PRR36: variants seen among roughly 807,000 people sequenced by gnomAD.
PRR36 encodes the protein proline rich 36.
PRR36 carries 30 observed loss-of-function variants against 58.6 expected under a neutral mutation model. That is an observed-to-expected ratio of 0.51 (90% confidence interval 0.38 to 0.69). The LOEUF (loss-of-function observed/expected upper bound fraction) is 0.69, where lower values mean the gene tolerates loss of function less well. Among genes scored for constraint, PRR36 ranks in the 30% least tolerant of loss-of-function variants. The pLI is 0.00. For synonymous variants in PRR36, 771 were observed against 829.3 expected, an observed-to-expected ratio of 0.93 and a Z score of 1.21; for missense variants, 1,692 against 1,805.6, an observed-to-expected ratio of 0.94 and a Z score of 1.14.
Position 7,869,320 on chromosome 19 carries a change from GCGC to G in PRR36, c.3751_3753del (p.Ala1251del). The G allele has an allele frequency of 7.0e-7, 1 of 1,429,836 alleles. No homozygotes were observed. The highest frequency in any genetic ancestry group is 9.1e-7 in the Non-Finnish European group (1 of 1,100,542). The allele number at this position is 1,429,836 out of a possible 1,614,324, so 88.6% of individuals were successfully genotyped here. A position where few individuals can be genotyped will look rare whatever the true frequency, so the allele number is the denominator to read the frequency against. ...AGGTGCTGCACGACGCTCGCCTGCA[GCGC>G]CCCCAGTGGCAGCTCGCCCAGGCGC... On this transcript the variant is annotated inframe_deletion, in exon 6 of 6. Transcript: ENST00000618550.
rs1980315324 is a variant in PRR36 at position 7,870,099 on chromosome 19, G to A, written c.3145C>T (p.Pro1049Ser). ...AGAACAGGTGGGGCCTGTGGAGGAG[G>A]CGTGGCCAAAGGAGACATTGGGAGT... ...ASLPMSPLAT[P>S]PPQAPPVLAA... is the part of the protein sequence containing the mutation. The change falls in exon 5 of 6, where the codon CCT becomes TCT. Residue 1049 changes from proline (P) to serine (S), a missense_variant. Physicochemically the swap from Pro to Ser is moderately conservative, Grantham distance 74. Coordinates refer to ENST00000618550, the MANE Select transcript of PRR36 (RefSeq NM_001190467.2). 1 of 1,495,072 alleles carries A rather than the reference G, an allele frequency of 6.7e-7. No homozygotes were observed. The highest frequency in any genetic ancestry group is 8.9e-7 in the Non-Finnish European group (1 of 1,128,724). The allele number at this position is 1,495,072 out of a possible 1,614,324, so 92.6% of individuals were successfully genotyped here.
chr19:7,873,430 G>A lies in PRR36; in HGVS notation c.260C>T (p.Ser87Phe), dbSNP rs1165646263. 2 of 1,531,524 alleles carry A rather than the reference G, an allele frequency of 1.3e-6. No individual in the cohort carries two copies. Among genetic ancestry groups the A allele is most frequent in the Non-Finnish European group, 1.7e-6 (2 of 1,144,270 alleles). The allele number at this position is 1,531,524 out of a possible 1,614,324, so 94.9% of individuals were successfully genotyped here. A position where few individuals can be genotyped will look rare whatever the true frequency, so the allele number is the denominator to read the frequency against. Residue 87 changes from serine (S) to phenylalanine (F), a missense_variant, in exon 2 of 6, where the codon TCC (serine) becomes TTC (phenylalanine). Physicochemically the swap from Ser to Phe is radical, Grantham distance 155. Coordinates refer to ENST00000618550, the MANE Select transcript of PRR36 (RefSeq NM_001190467.2). The surrounding 1 kb of genome is among the most constrained non-coding windows in gnomAD (Gnocchi z 5.0). The stretch of plus-strand genomic sequence containing the variant: ...GGAGGCTGGGGTACCAGGGTTTCGG[G>A]AACTTGTCCCAGCACTCCGCGTTGG... ...AGPTRSAGTS[S>F]RNPASRPPAS...
Position 7,869,863 on chromosome 19 carries a change from C to T in PRR36, c.3381G>A (p.Thr1127=). 1.5e-6 allele frequency: 2 copies of T among 1,336,638 alleles called. No homozygotes were observed. The highest frequency in any genetic ancestry group is 3.9e-5 in the South Asian group (2 of 50,856). 82.8% of individuals were successfully genotyped at this position (1,336,638 alleles called of 1,614,324 possible). The change falls in exon 5 of 6, where the codon ACG becomes ACA. Residue 1127 remains threonine (T), a synonymous_variant. Coordinates refer to ENST00000618550, the MANE Select transcript of PRR36 (RefSeq NM_001190467.2). Reference sequence around the variant, plus strand: ...AGCCACGCAGCTCCTCTGGCGTGCTCGTGGCGCTGCTGCTGTGGCCGGCCA... The same window carrying T: ...AGCCACGCAGCTCCTCTGGCGTGCTTGTGGCGCTGCTGCTGTGGCCGGCCA... ...PDLAGHSSSA[T]STPEELRGYD...
Position 7,874,303 on chromosome 19 carries a change from G to C in PRR36, c.-25C>G, listed in dbSNP as rs1015723585. The stretch of plus-strand genomic sequence containing the variant: ...GCGCTCACCTCCGCCTCCGGCCTCC[G>C]GCCGCTCCTCACAGAGTCGCCTGGG... On this transcript the variant is annotated 5_prime_UTR_variant, in exon 1 of 6. Coordinates refer to ENST00000618550, the MANE Select transcript of PRR36 (RefSeq NM_001190467.2). The surrounding 1 kb of genome is among the most constrained non-coding windows in gnomAD (Gnocchi z 6.0). The C allele has an allele frequency of 3.3e-5, 5 of 151,984 alleles. No homozygotes were observed. The highest frequency in any genetic ancestry group is 7.4e-5 in the Non-Finnish European group (5 of 68,002). 9.4% of individuals were successfully genotyped at this position (151,984 alleles called of 1,614,324 possible).
chr19:7,873,113 GC>G lies in PRR36; in HGVS notation c.374+83del. The G allele has an allele frequency of 7.1e-7, 1 of 1,409,680 alleles. No individual in the cohort carries two copies. Among genetic ancestry groups the G allele is most frequent in the Non-Finnish European group, 9.7e-7 (1 of 1,034,716 alleles). 87.3% of individuals were successfully genotyped at this position (1,409,680 alleles called of 1,614,324 possible). A position where few individuals can be genotyped will look rare whatever the true frequency, so the allele number is the denominator to read the frequency against. ...CCCAGTGACCTGCAAGTGCTCCCGC[GC>G]CCCAACTCGTGTAAAATAAAAGGTT... On this transcript the variant is annotated intron_variant, in intron 3 of 5. Coordinates refer to ENST00000618550, the MANE Select transcript of PRR36 (RefSeq NM_001190467.2). The surrounding 1 kb of genome is among the most constrained non-coding windows in gnomAD (Gnocchi z 5.0).
At chr19:7,869,649 C>G in intron 5 of PRR36, 66 bp downstream of exon 5, 1 of 1,401,568 alleles carries the variant, frequency 7.1e-7, no homozygotes, top group Non-Finnish European at 9.3e-7. Context: ...GCTGTCCCGC[C>G]CCTGAGCTGC....
chr19:7,871,093 T>C lies in PRR36; in HGVS notation c.2151A>G (p.Leu717=). ...GAGGTGTCTGCAGAGAGGGTGGGGC[T>C]AGGGAAGATTGGGTCTCCAGAGGGG... ...IMPPLETQSS[L]APPSLQTPPA... Residue 717 remains leucine (L), a synonymous_variant, in exon 5 of 6, where the codon CTA becomes CTG. Transcript: ENST00000618550. The C allele has an allele frequency of 6.5e-7, 1 of 1,528,468 alleles. No homozygotes were observed. Among genetic ancestry groups the C allele is most frequent in the South Asian group, 1.2e-5 (1 of 83,440 alleles). 94.7% of individuals were successfully genotyped at this position (1,528,468 alleles called of 1,614,324 possible). A position where few individuals can be genotyped will look rare whatever the true frequency, so the allele number is the denominator to read the frequency against.
chr19:7,870,562 TGG>T lies in PRR36; in HGVS notation c.2680_2681del (p.Pro894SerfsTer111). 3.0e-6 allele frequency: 1 copy of T among 331,100 alleles called. No homozygotes were observed. Among genetic ancestry groups the T allele is most frequent in the Non-Finnish European group, 3.4e-6 (1 of 290,516 alleles). 20.5% of individuals were successfully genotyped at this position (331,100 alleles called of 1,614,324 possible). ...CAGGGGGAGAGAAAGGGGCCTGCAC[TGG>T]GGGTGAGGGAGGGGGAGAGAAAGGG... ...QAPFSPPPSP[P>X]VQAPFSPPAS... On this transcript the variant is annotated frameshift_variant, in exon 5 of 6. Transcript: ENST00000618550. LOFTEE classifies it high-confidence loss of function.
rs1189605139 is a variant in PRR36 at position 7,872,268 on chromosome 19, G to T, written c.976C>A (p.Pro326Thr). ...GAGGGAGGGAGCGTGGCTGGCAGGG[G>T]AGTGGCTGCATTGTCGGGAGGCGGT... ...PVPPPDNAAT[P>T]LPATLPPSPP... Residue 326 changes from proline to threonine, a missense_variant, in exon 5 of 6, where the codon CCC (proline) becomes ACC (threonine). Coordinates refer to ENST00000618550, the MANE Select transcript of PRR36 (RefSeq NM_001190467.2). This position sits in a 1 kb window ranked among gnomAD's most constrained non-coding sequence, Gnocchi z 6.1. 10 of 1,457,004 alleles carry T rather than the reference G, an allele frequency of 6.9e-6. No homozygotes were observed. The highest frequency in any genetic ancestry group is 2.6e-5 in the Admixed American group (1 of 37,852). 90.3% of individuals were successfully genotyped at this position (1,457,004 alleles called of 1,614,324 possible). A position where few individuals can be genotyped will look rare whatever the true frequency, so the allele number is the denominator to read the frequency against.
Position 7,872,653 on chromosome 19 carries a change from C to G in PRR36, c.591G>C (p.Arg197=), listed in dbSNP as rs1980520154. The G allele has an allele frequency of 1.4e-6, 2 of 1,473,858 alleles. No individual in the cohort carries two copies. The highest frequency in any genetic ancestry group is 2.7e-5 in the South Asian group (2 of 74,798). The allele number at this position is 1,473,858 out of a possible 1,614,324, so 91.3% of individuals were successfully genotyped here. A position where few individuals can be genotyped will look rare whatever the true frequency, so the allele number is the denominator to read the frequency against. The change falls in exon 5 of 6, where the codon CGG becomes CGC. Residue 197 remains arginine, a synonymous_variant. Transcript: ENST00000618550. The surrounding 1 kb of genome is among the most constrained non-coding windows in gnomAD (Gnocchi z 6.1). ...GGGGGCCCTCTGTCGGGGGCCGTGG[C>G]CGGGCACTCGGAGCTGGCCGGGGGA... ...VGLPRPAPSA[R]PRPPTEGPRK...
rs1328283504 is a variant in PRR36 at position 7,873,264 on chromosome 19, C to A, written c.307G>T (p.Ala103Ser). 1.3e-6 allele frequency: 2 copies of A among 1,535,786 alleles called. No homozygotes were observed. The highest frequency in any genetic ancestry group is 4.9e-5 in the East Asian group (2 of 40,902). Residue 103 changes from alanine (A) to serine (S), a missense_variant, in exon 3 of 6, where the codon GCT (alanine) becomes TCT (serine). This residue lies in a region of PRR36 where 975 missense variants were observed against 955.2 expected (regional missense o/e 1.02). Transcript: ENST00000618550. The surrounding 1 kb of genome is among the most constrained non-coding windows in gnomAD (Gnocchi z 5.0). ...GGGCTGGTGTTCTTGGCAGGAGGAGCTCTCTCCCCTCTCCCAGAGGCTGGG... is the reference window on the plus strand; with the variant it reads ...GGGCTGGTGTTCTTGGCAGGAGGAGATCTCTCCCCTCTCCCAGAGGCTGGG... ...RPPASGRGER[A>S]PPAKNTSPGP...
rs1453900794 is a variant in PRR36 at position 7,873,607 on chromosome 19, C to A, written c.83G>T (p.Arg28Met). Residue 28 changes from arginine to methionine, a missense_variant, in exon 2 of 6, where the codon AGG (arginine) becomes ATG (methionine). Arg to Met is a moderately conservative substitution (Grantham distance 91, BLOSUM62 -1). Transcript: ENST00000618550. This position sits in a 1 kb window ranked among gnomAD's most constrained non-coding sequence, Gnocchi z 5.0. ...AARAPGLLTP[R>M]PPGSPRPPPP... Reference sequence around the variant, plus strand: ...AGGGGGTCGAGGAGAGCCTGGGGGCCTGGGGGTCAGAAGTCCAGGAGCGCG... The same window carrying A: ...AGGGGGTCGAGGAGAGCCTGGGGGCATGGGGGTCAGAAGTCCAGGAGCGCG... 1 of 1,535,114 alleles carries A rather than the reference C, an allele frequency of 6.5e-7. No homozygotes were observed. The highest frequency in any genetic ancestry group is 1.2e-5 in the South Asian group (1 of 84,026).
Position 7,872,824 on chromosome 19 carries a change from C to T in PRR36, c.487+25G>A. The T allele has an allele frequency of 6.5e-7, 1 of 1,532,940 alleles. No individual in the cohort carries two copies. Among genetic ancestry groups the T allele is most frequent in the Non-Finnish European group, 8.7e-7 (1 of 1,145,278 alleles). The allele number at this position is 1,532,940 out of a possible 1,614,324, so 95.0% of individuals were successfully genotyped here. On this transcript the variant is annotated intron_variant, in intron 4 of 5. Coordinates refer to ENST00000618550, the MANE Select transcript of PRR36 (RefSeq NM_001190467.2). This position sits in a 1 kb window ranked among gnomAD's most constrained non-coding sequence, Gnocchi z 6.1. ...GGCGGCTCCCCTTGCTGCCCAGGAA[C>T]CCCACTCTTCTCCAGGTCACGTACC...
Position 7,873,732 on chromosome 19 carries a change from G to T in PRR36, c.-7-36C>A, listed in dbSNP as rs1045114659. 8.9e-5 allele frequency: 136 copies of T among 1,519,682 alleles called. No individual in the cohort carries two copies. Among genetic ancestry groups the T allele is most frequent in the Non-Finnish European group, 1.1e-4 (130 of 1,137,760 alleles). 94.1% of individuals were successfully genotyped at this position (1,519,682 alleles called of 1,614,324 possible). A position where few individuals can be genotyped will look rare whatever the true frequency, so the allele number is the denominator to read the frequency against. On this transcript the variant is annotated intron_variant, in intron 1 of 5. Coordinates refer to ENST00000618550, the MANE Select transcript of PRR36 (RefSeq NM_001190467.2). The surrounding 1 kb of genome is among the most constrained non-coding windows in gnomAD (Gnocchi z 5.0). ...AAACCGGTCCGCATCCCAGGTTCTG[G>T]ACAGCTACGCCGCCTCCAGAGACCT...
rs1050863623 is a variant in PRR36, at chr19:7,868,865, G to T, written c.*168C>A. ...GGGGCGGGCCTAGGTCAAAGCTGTG[G>T]GTAGGTCCCGAGCCTCCGAGGCCAA... On this transcript the variant is annotated 3_prime_UTR_variant, in exon 6 of 6. Transcript: ENST00000618550. 7.5e-5 allele frequency: 56 copies of T among 750,398 alleles called. No homozygotes were observed. In the African/African-American group the frequency reaches 9.9e-4, roughly 13 times the overall value. 46.5% of individuals were successfully genotyped at this position (750,398 alleles called of 1,614,324 possible).
Position 7,874,110 on chromosome 19 carries a change from C to G in PRR36, c.-8+176G>C, listed in dbSNP as rs1313693225. ...GCGCACGCCCGGGTCTCCCCGCCAGCCCCCATCGGCCTCCCCTGGCCTCCC... is the reference window on the plus strand; with the variant it reads ...GCGCACGCCCGGGTCTCCCCGCCAGGCCCCATCGGCCTCCCCTGGCCTCCC... On this transcript the variant is annotated intron_variant, in intron 1 of 5. Transcript: ENST00000618550. The surrounding 1 kb of genome is among the most constrained non-coding windows in gnomAD (Gnocchi z 6.0). Among the ~76,000 whole-genome samples, 1 of 152,140 alleles carries G rather than the reference C, an allele frequency of 6.6e-6. No homozygotes were observed. The highest frequency in any genetic ancestry group is 1.5e-5 in the Non-Finnish European group (1 of 68,016).
At position 7,869,979 on chromosome 19, in the gene PRR36, C is replaced by T; in HGVS notation, c.3265G>A (p.Val1089Ile). ...RPPTPGPDTS[V>I]SGPRLTLALA... is the part of the protein sequence containing the mutation. ...GCCAGGGTCAGCCGTGGGCCCGAGA[C>T]GGAGGTATCCGGACCCGGGGTCGGG... Residue 1089 changes from valine (V) to isoleucine (I), a missense_variant, in exon 5 of 6, where the codon GTC (valine) becomes ATC (isoleucine). Physicochemically the swap from Val to Ile is conservative, Grantham distance 29. Coordinates refer to ENST00000618550, the MANE Select transcript of PRR36 (RefSeq NM_001190467.2). 6 of 1,392,104 alleles carry T rather than the reference C, an allele frequency of 4.3e-6. No individual in the cohort carries two copies. Among genetic ancestry groups the T allele is most frequent in the Non-Finnish European group, 5.6e-6 (6 of 1,080,730 alleles). The allele number at this position is 1,392,104 out of a possible 1,614,324, so 86.2% of individuals were successfully genotyped here.
Position 7,871,899 on chromosome 19 carries a change from G to T in PRR36, c.1345C>A (p.Leu449Ile). The T allele has an allele frequency of 6.5e-7, 1 of 1,535,890 alleles. No homozygotes were observed. Among genetic ancestry groups the T allele is most frequent in the Non-Finnish European group, 8.7e-7 (1 of 1,146,840 alleles). ...GGAGGTGTGGCCAAGGGAGAGAGGA[G>T]AGTCGGAAGAGAGGGCAACGCTGGA... Reference protein sequence around the residue: ...ANPALPSLPTLLSPLATPPLS... With the variant: ...ANPALPSLPTILSPLATPPLS... The change falls in exon 5 of 6, where the codon CTC becomes ATC. Residue 449 changes from leucine (L) to isoleucine (I), a missense_variant. Leu to Ile is a conservative substitution (Grantham distance 5). Coordinates refer to ENST00000618550, the MANE Select transcript of PRR36 (RefSeq NM_001190467.2).
Position 7,868,951 on chromosome 19 carries a change from C to CG in PRR36, c.*81dup. 3 of 1,399,230 alleles carry CG rather than the reference C, an allele frequency of 2.1e-6. No homozygotes were observed. Among genetic ancestry groups the CG allele is most frequent in the Non-Finnish European group, 2.8e-6 (3 of 1,062,634 alleles). The allele number at this position is 1,399,230 out of a possible 1,614,324, so 86.7% of individuals were successfully genotyped here. On this transcript the variant is annotated 3_prime_UTR_variant, in exon 6 of 6. Coordinates refer to ENST00000618550, the MANE Select transcript of PRR36 (RefSeq NM_001190467.2). ...CAGCGGGGCTCCAGGGCAGTGGAGG[C>CG]GGGGTCTAAAACAAACGGCGTACCC...
Sources: allele counts gnomAD v4.1 joint callset (sites outside exome capture counted in the v4.1 genomes callset), GRCh38; gene constraint gnomAD v4.1.1; regional missense constraint gnomAD v4.1.1; non-coding constraint Gnocchi (gnomAD v3.1); transcripts MANE v1.5; gene names NCBI Gene and HGNC (gene_info 2026-07-23, HGNC 2026-07-21).